The following EPB41L2 variants were observed in gnomAD, a reference collection of about 807,000 sequenced individuals.
EPB41L2 encodes the protein erythrocyte membrane protein band 4.1 like 2.
In EPB41L2, 43 loss-of-function variants were observed where a neutral mutation model predicts 113.0. That is an observed-to-expected ratio of 0.38 (90% CI 0.30 to 0.49). The LOEUF (loss-of-function observed/expected upper bound fraction) is 0.49. Ranked by LOEUF, EPB41L2 falls within the 20% of genes least tolerant of loss-of-function variation. The pLI, the probability that EPB41L2 is intolerant of heterozygous loss-of-function variation, is 0.95. For missense variants in EPB41L2, 1,147 were observed against 1,223.4 expected (o/e 0.94, Z 0.93); for synonymous variants, 442 against 436.7 (o/e 1.01, Z -0.15).
chr6:130,933,639 T>G (rs1198130470), intron 3 of EPB41L2, among the ~76,000 whole-genome samples: 1 of 152,104 alleles, frequency 6.6e-6, no homozygotes, highest in Admixed American at 6.6e-5. Flanking sequence ...ATTCAAAAAT[T>G]AGAATGCTAG....
chr6:130,909,639 A>C (rs1297596111), intron 4 of EPB41L2, among the ~76,000 whole-genome samples: 1 of 152,216 alleles, frequency 6.6e-6, no homozygotes, highest in Non-Finnish European at 1.5e-5. Context: ...AGAAAACCCC[A>C]TTGTCTCAGC....
chr6:130,925,723 C>A (rs1804508728), intron 4 of EPB41L2, among the ~76,000 whole-genome samples: 1 of 152,070 alleles, frequency 6.6e-6, no homozygotes, highest in African/African-American at 2.4e-5. Context: ...TTATCAAGAC[C>A]ACCTTATAAT....
chr6:130,954,040 C>CTTTTTTTTTTTTTTTTTCT (rs1816397766), intron 3 of EPB41L2, among the ~76,000 whole-genome samples: 1 of 58,850 alleles, frequency 1.7e-5, no homozygotes, highest in African/African-American at 5.4e-5. Context: ...CCTTTTCTTT[C>CTTTTTTTTTTTTTTTTTCT]TTTTTTTTTT....
chr6:130,884,560 G>A (rs1437297434), intron 12 of EPB41L2, among the ~76,000 whole-genome samples: 1 of 152,046 alleles, frequency 6.6e-6, no homozygotes, highest in African/African-American at 2.4e-5. Flanking sequence ...ACACAATATG[G>A]GTTACTTCTC....
At chr6:130,940,184 C>T (rs187602544) in intron 3 of EPB41L2, among the ~76,000 whole-genome samples, 36 of 152,308 alleles carry the variant, frequency 2.4e-4, no homozygotes. Context: ...CCAATAAATA[C>T]ACTGGCTTTG....
At chr6:131,050,496 G>C (rs1410461777) in intron 1 of EPB41L2, among the ~76,000 whole-genome samples, 2 of 152,116 alleles carry the variant, frequency 1.3e-5, no homozygotes, top group Non-Finnish European at 1.5e-5. Flanking sequence ...AACTAACACT[G>C]ATCACATAAC....
intron 3 of EPB41L2, among the ~76,000 whole-genome samples, chr6:130,929,857 TCACACACACACA>T (rs140350248): frequency 3.5e-4 from 43 of 123,456 alleles, no homozygotes; most frequent in East Asian, 1.5e-3. Flanking sequence ...AGACAGACAG[TCACACACACACA>T]CACACACACA....
intron 1 of EPB41L2, among the ~76,000 whole-genome samples, chr6:131,033,799 T>TTAC (rs1414637542): frequency 6.6e-6 from 1 of 151,920 alleles, no homozygotes; most frequent in Non-Finnish European, 1.5e-5. Flanking sequence ...GGAAGAGGAG[T>TTAC]TACTGTTTAA....
chr6:131,053,996 G>A (rs1400590941), intron 1 of EPB41L2, among the ~76,000 whole-genome samples: 1 of 152,212 alleles, frequency 6.6e-6, no homozygotes, highest in East Asian at 1.9e-4. Flanking sequence ...GACACTAACA[G>A]TGTCTCAGCT....
At chr6:130,889,117 A>G (rs1258641028) in intron 11 of EPB41L2, among the ~76,000 whole-genome samples, 2 of 152,052 alleles carry the variant, frequency 1.3e-5, no homozygotes, top group African/African-American at 4.8e-5. Flanking sequence ...ACAAGAAAAA[A>G]TGTTTCTGCT....
chr6:130,949,421 C>T (rs1583808745), intron 3 of EPB41L2, among the ~76,000 whole-genome samples: 2 of 152,222 alleles, frequency 1.3e-5, no homozygotes, highest in South Asian at 4.1e-4. Context: ...GGCAACAAAG[C>T]AAGACTTCAT....
chr6:130,875,722 G>T (rs1427692914), intron 14 of EPB41L2, among the ~76,000 whole-genome samples: 3 of 152,098 alleles, frequency 2.0e-5, no homozygotes, highest in Non-Finnish European at 4.4e-5. Context: ...TCACCAGCCG[G>T]GTGTGGTGGC....
At chr6:131,049,150 C>T (rs959279873) in intron 1 of EPB41L2, among the ~76,000 whole-genome samples, 14 of 152,214 alleles carry the variant, frequency 9.2e-5, no homozygotes, top group Admixed American at 6.5e-5. Context: ...ATATCTTCAA[C>T]GTACCTTTAT....
rs949725745 is a variant in EPB41L2, at chr6:131,041,932, T to C, written c.-15+21223A>G. Among the ~76,000 whole-genome samples, 7 of 152,336 alleles carry C rather than the reference T, an allele frequency of 4.6e-5. 1 individual carries two copies. The highest frequency in any genetic ancestry group is 6.8e-3 in the Middle Eastern group (2 of 294). ...AATTTAAGAAAGTAAGTTTTTTAGA[T>C]GTAACAACAGTATTGTGGTTTTCAT... On this transcript the variant is annotated intron_variant, in intron 1 of 19. Coordinates refer to ENST00000337057, the MANE Select transcript of EPB41L2 (RefSeq NM_001431.4).
chr6:130,851,116 A>G (rs1204570338), intron 19 of EPB41L2, among the ~76,000 whole-genome samples: 2 of 152,210 alleles, frequency 1.3e-5, no homozygotes, highest in Non-Finnish European at 2.9e-5. Context: ...TAAAAATGCA[A>G]CACACCTGAT....
At chr6:130,957,127 G>T (rs9402301) in intron 1 of EPB41L2, among the ~76,000 whole-genome samples, 40,929 of 151,886 alleles carry the variant, frequency 0.27, 5,832 homozygotes, top group East Asian at 0.45. Context: ...CTTGGAAAAG[G>T]TACTCAAATT....
chr6:130,937,119 G>A (rs117135813), intron 3 of EPB41L2, among the ~76,000 whole-genome samples: 2,878 of 152,246 alleles, frequency 0.019, 44 homozygotes, highest in Non-Finnish European at 0.029. Context: ...TACAACTGGT[G>A]AACCTCCACT....
intron 1 of EPB41L2, among the ~76,000 whole-genome samples, chr6:131,028,995 A>T (rs1217807449): frequency 6.6e-6 from 1 of 152,188 alleles, no homozygotes; most frequent in Non-Finnish European, 1.5e-5. Context: ...ACTTGGCTTT[A>T]GAGGGTTACA....
At chr6:130,926,858 T>A (rs1432450239) in intron 3 of EPB41L2, 149 bp from the exon 4 acceptor site, 4 of 574,674 alleles carry the variant, frequency 7.0e-6, no homozygotes, top group Non-Finnish European at 1.2e-5. Context: ...AGTGATTAAT[T>A]TTTTAACTTT....
Sources: gnomAD v4.1 joint callset for allele counts (sites outside exome capture counted in the v4.1 genomes callset) on GRCh38, gnomAD v4.1.1 for gene constraint, MANE v1.5 for transcripts, NCBI Gene and HGNC (gene_info 2026-07-23, HGNC 2026-07-21) for gene names.